Variants in JARID2 observed in about 807,000 individuals in gnomAD.
JARID2 encodes jumonji and AT-rich interaction domain containing 2.
In JARID2, 21 loss-of-function variants were observed where a neutral mutation model predicts 125.6. The ratio of observed to expected loss-of-function variants is 0.17; its 90% confidence interval spans 0.12 to 0.24. The LOEUF (loss-of-function observed/expected upper bound fraction) is 0.24. JARID2 is among the 10% of genes least tolerant of loss of function. The probability of loss-of-function intolerance (pLI) is 1.00; values close to 1 mark genes in which losing one functional copy is unlikely to be tolerated. For missense variants in JARID2, 1,303 were observed against 1,639.6 expected, an observed-to-expected ratio of 0.79 and a Z score of 3.55; for synonymous variants, 736 against 661.6, an observed-to-expected ratio of 1.11 and a Z score of -1.73.
chr6:15,463,144 G>A (rs760438322), intron 4 of JARID2, among the ~76,000 whole-genome samples: 2 of 152,036 alleles, frequency 1.3e-5, no homozygotes, highest in Admixed American at 1.3e-4. Flanking sequence ...ATTTTAATAG[G>A]AAACTGTCTA....
At chr6:15,512,172 A>T in intron 13 of JARID2, 36 bp from the exon 14 acceptor site, 1 of 1,599,170 alleles carries the variant, frequency 6.3e-7, no homozygotes, top group Non-Finnish European at 8.5e-7. Flanking sequence ...CCCTGCGCAC[A>T]GGGAGGGGTG....
chr6:15,333,416 TC>T (rs1762782373), intron 1 of JARID2, among the ~76,000 whole-genome samples: 1 of 152,192 alleles, frequency 6.6e-6, no homozygotes, highest in African/African-American at 2.4e-5. Flanking sequence ...CACTGGATAT[TC>T]CTATTTTGGC....
chr6:15,249,619 G>A (rs898675860), intron 1 of JARID2, among the ~76,000 whole-genome samples: 2 of 152,188 alleles, frequency 1.3e-5, no homozygotes, highest in African/African-American at 4.8e-5. Flanking sequence ...TTATAAGTAA[G>A]GTGGCATTAT....
At chr6:15,342,775 A>G (rs550656600) in intron 1 of JARID2, among the ~76,000 whole-genome samples, 2 of 152,314 alleles carry the variant, frequency 1.3e-5, no homozygotes, top group Admixed American at 1.3e-4. Context: ...ATTATTATGC[A>G]TCTTGACCTT....
At chr6:15,445,297 T>C (rs1767626703) in intron 3 of JARID2, among the ~76,000 whole-genome samples, 1 of 152,126 alleles carries the variant, frequency 6.6e-6, no homozygotes, top group Admixed American at 6.6e-5. Context: ...ATCCCTGGGG[T>C]TTCTTTACAA....
At chr6:15,302,795 C>T (rs768090125) in intron 1 of JARID2, among the ~76,000 whole-genome samples, 19 of 152,168 alleles carry the variant, frequency 1.2e-4, no homozygotes, top group Admixed American at 5.9e-4. Flanking sequence ...AGTGCAATGG[C>T]GTGATCTTGG....
rs1170258361 is a variant in JARID2, at chr6:15,404,767, C to T, written c.182-5457C>T. ...AATATGCTAATGACTTTGGTGTGCT[C>T]CAGATGTTTTAGAAGCCCTGGAACA... On this transcript the variant is annotated intron_variant, in intron 2 of 17. Coordinates refer to ENST00000341776, the MANE Select transcript of JARID2 (RefSeq NM_004973.4). Among the ~76,000 whole-genome samples the T allele has an allele frequency of 2.0e-5, 3 of 152,174 alleles. No individual in the cohort carries two copies. The East Asian group carries it at 5.8e-4, about 29-fold the overall frequency.
In JARID2 at chr6:15,408,085, G is replaced by A. The variant is rs183237274; in HGVS notation, c.182-2139G>A. 2.6e-3 allele frequency among the ~76,000 whole-genome samples: 389 copies of A among 152,136 alleles called. 3 individuals carry two copies. Among genetic ancestry groups the A allele is most frequent in the Middle Eastern group, 0.01 (3 of 292 alleles). On this transcript the variant is annotated intron_variant, in intron 2 of 17. Coordinates refer to ENST00000341776, the MANE Select transcript of JARID2 (RefSeq NM_004973.4). The stretch of plus-strand genomic sequence containing the variant: ...TTGAGATCAGCCTGGGCAACATGGC[G>A]AAACCCCATCTCTACAAAAAATACA...
chr6:15,269,865 C>G (rs1462073595), intron 1 of JARID2, among the ~76,000 whole-genome samples: 1 of 152,180 alleles, frequency 6.6e-6, no homozygotes, highest in Non-Finnish European at 1.5e-5. Context: ...ACTTGACAGA[C>G]TGAAGATTGG....
chr6:15,449,257 A>G (rs1387165333), intron 3 of JARID2, among the ~76,000 whole-genome samples: 1 of 152,142 alleles, frequency 6.6e-6, no homozygotes, highest in Non-Finnish European at 1.5e-5. Flanking sequence ...TTATTTTTTA[A>G]AAAATAACAC....
At chr6:15,426,999 G>T (rs1297093154) in intron 3 of JARID2, among the ~76,000 whole-genome samples, 1 of 152,180 alleles carries the variant, frequency 6.6e-6, no homozygotes, top group Non-Finnish European at 1.5e-5. Context: ...GGCTGTGTCT[G>T]GCAACCCTTT....
At chr6:15,405,176 C>G (rs1765598616) in intron 2 of JARID2, among the ~76,000 whole-genome samples, 1 of 152,216 alleles carries the variant, frequency 6.6e-6, no homozygotes, top group African/African-American at 2.4e-5. Flanking sequence ...CTCCAGTTAC[C>G]AAGAACAACA....
intron 2 of JARID2, among the ~76,000 whole-genome samples, chr6:15,407,075 CAAAGCAAGA>C (rs1765679503): frequency 6.6e-6 from 1 of 151,398 alleles, no homozygotes; most frequent in Non-Finnish European, 1.5e-5. Flanking sequence ...AGCTTGGCAA[CAAAGCAAGA>C]CCCCATGTAT....
chr6:15,355,758 C>T (rs1057492241), intron 1 of JARID2, among the ~76,000 whole-genome samples: 1 of 152,092 alleles, frequency 6.6e-6, no homozygotes, highest in Admixed American at 6.5e-5. Flanking sequence ...ACCACAGGTG[C>T]GTGCCACCAC....
chr6:15,408,755 C>CAGT (rs1326446756), intron 2 of JARID2, among the ~76,000 whole-genome samples: 1 of 152,278 alleles, frequency 6.6e-6, no homozygotes, highest in Non-Finnish European at 1.5e-5. Context: ...TTCAGGTGAT[C>CAGT]AGTAGCTGCA....
intron 6 of JARID2, among the ~76,000 whole-genome samples, chr6:15,494,402 T>G (rs1770301420): frequency 7.5e-6 from 1 of 133,276 alleles, no homozygotes; most frequent in Non-Finnish European, 1.6e-5. Context: ...GTTTGGATGT[T>G]TTTGGCAAGT....
chr6:15,437,279 C>G (rs1581563361), intron 3 of JARID2, among the ~76,000 whole-genome samples: 1 of 152,288 alleles, frequency 6.6e-6, no homozygotes. Flanking sequence ...TTATGTCGCA[C>G]TTCATGAAAC....
At chr6:15,381,296 G>A (rs368004000) in intron 2 of JARID2, among the ~76,000 whole-genome samples, 9 of 145,164 alleles carry the variant, frequency 6.2e-5, no homozygotes, top group East Asian at 2.0e-4. Flanking sequence ...GAGCCAGATC[G>A]TGCCACTGCA....
At chr6:15,383,668 A>G (rs554002387) in intron 2 of JARID2, among the ~76,000 whole-genome samples, 1 of 152,190 alleles carries the variant, frequency 6.6e-6, no homozygotes, top group East Asian at 1.9e-4. Flanking sequence ...TGGGCCACTT[A>G]TCAAGGTCAG....
Sources: gnomAD v4.1 joint callset for allele counts (sites outside exome capture counted in the v4.1 genomes callset) on GRCh38, gnomAD v4.1.1 for gene constraint, MANE v1.5 for transcripts, NCBI Gene and HGNC (gene_info 2026-07-23, HGNC 2026-07-21) for gene names.